The following CNKSR2 variants were observed in gnomAD, a reference collection of about 807,000 sequenced individuals.
The protein encoded by CNKSR2 is connector enhancer of kinase suppressor of Ras 2, also known as CNK homolog protein 2.
CNKSR2 carries 14 observed loss-of-function variants against 84.4 expected under a neutral mutation model. The observed-to-expected ratio is 0.17, with a 90% CI of 0.11 to 0.26. The LOEUF (loss-of-function observed/expected upper bound fraction) is 0.26, where lower values mean the gene tolerates loss of function less well. Among genes scored for constraint, CNKSR2 ranks in the 10% least tolerant of loss-of-function variants. The pLI, the probability that CNKSR2 is intolerant of heterozygous loss-of-function variation, is 1.00. For missense variants in CNKSR2, 485 were observed against 771.2 expected, an observed-to-expected ratio of 0.63 and a Z score of 4.40; for synonymous variants, 275 against 277.9, an observed-to-expected ratio of 0.99 and a Z score of 0.10.
chrX:21,643,851 A>G (rs1331464109), intron 20 of CNKSR2: 4 of 111,361 alleles, frequency 3.6e-5, no homozygotes, highest in Non-Finnish European at 7.6e-5. Flanking sequence ...AATGCTAGGC[A>G]TAGCTGATTG....
At chrX:21,516,654 C>T in intron 9 of CNKSR2, 23 bp downstream of exon 9, 1 of 1,170,671 alleles carries the variant, frequency 8.5e-7, no homozygotes, top group South Asian at 1.8e-5. Context: ...AATCATAAGT[C>T]ATACACCATC....
chrX:21,426,736 C>T (rs1287467523), intron 2 of CNKSR2, 76 bp downstream of exon 2: 4 of 1,052,182 alleles, frequency 3.8e-6, no homozygotes, highest in Non-Finnish European at 5.1e-6. Context: ...TTCTTCTCCT[C>T]TTTTGATAAT....
At chrX:21,462,206 C>CT (rs2147126180) in intron 4 of CNKSR2, among the ~76,000 whole-genome samples, 1 of 111,665 alleles carries the variant, frequency 9.0e-6, no homozygotes, top group African/African-American at 3.2e-5. Flanking sequence ...TCTTCCATTT[C>CT]TTTTATCAGT....
At chrX:21,561,424 A>G in intron 11 of CNKSR2, 47 bp from the exon 12 acceptor site, 1 of 990,690 alleles carries the variant, frequency 1.0e-6, no homozygotes, top group Middle Eastern at 2.6e-4. Flanking sequence ...TTGAGCAGAC[A>G]TGGGGAAGAA....
intron 1 of CNKSR2, among the ~76,000 whole-genome samples, chrX:21,394,814 A>G (rs757574628): frequency 8.9e-6 from 1 of 112,049 alleles, no homozygotes; most frequent in African/African-American, 3.2e-5. Flanking sequence ...TTAAACACTG[A>G]ATCTGTGCAA....
At chrX:21,632,039 C>G (rs1296923597) in intron 20 of CNKSR2, among the ~76,000 whole-genome samples, 1 of 112,138 alleles carries the variant, frequency 8.9e-6, no homozygotes, top group Admixed American at 9.5e-5. Context: ...TTTAAGAAAA[C>G]CAGATTCAGA....
At chrX:21,519,849 T>A (rs893742464) in intron 9 of CNKSR2, among the ~76,000 whole-genome samples, 1 of 111,190 alleles carries the variant, frequency 9.0e-6, no homozygotes, top group African/African-American at 3.3e-5. Context: ...TGTATCTTTT[T>A]AATAAACAAG....
chrX:21,419,906 T>C (rs1483937157), intron 1 of CNKSR2, among the ~76,000 whole-genome samples: 4 of 112,055 alleles, frequency 3.6e-5, no homozygotes, highest in Non-Finnish European at 7.5e-5. Context: ...GGCTACTGCT[T>C]ATGTTCTCTC....
intron 20 of CNKSR2, among the ~76,000 whole-genome samples, chrX:21,647,077 C>G (rs148414803): frequency 8.9e-6 from 1 of 111,871 alleles, no homozygotes. Flanking sequence ...CCTCAAAATC[C>G]TCTAGGTGTT....
chrX:21,487,059 A>G (rs191040727), intron 5 of CNKSR2, among the ~76,000 whole-genome samples: 2 of 111,776 alleles, frequency 1.8e-5, no homozygotes, highest in Admixed American at 1.9e-4. Flanking sequence ...CAAAGTTCTA[A>G]TGGGGTTTCT....
intron 5 of CNKSR2, among the ~76,000 whole-genome samples, chrX:21,478,912 A>AT (rs1180866503): frequency 1.8e-5 from 2 of 111,879 alleles, no homozygotes; most frequent in Non-Finnish European, 3.8e-5. Flanking sequence ...GACACTATAT[A>AT]TTTTTAAAAA....
At chrX:21,539,141 T>C (rs2091954974) in intron 11 of CNKSR2, among the ~76,000 whole-genome samples, 1 of 112,720 alleles carries the variant, frequency 8.9e-6, no homozygotes, top group African/African-American at 3.2e-5. Flanking sequence ...TTCAAATGTT[T>C]GGTCACTTTA....
chrX:21,527,524 C>G (rs1266703028), intron 10 of CNKSR2, among the ~76,000 whole-genome samples: 1 of 110,605 alleles, frequency 9.0e-6, no homozygotes, highest in Non-Finnish European at 1.9e-5. Flanking sequence ...ATGTTTCTTT[C>G]AGGAAGTAGA....
rs1403050692 is a variant in CNKSR2, at chrX:21,532,080, C to G, written c.1303+13C>G. ...ACCCCAACTTATGGTAAGAGTTCTT[C>G]TTTTATGTTTATATAAGACTATATT... On this transcript the variant is annotated intron_variant, in intron 11 of 21. Transcript: ENST00000379510. 1.8e-6 allele frequency: 2 copies of G among 1,126,465 alleles called. No individual in the cohort carries two copies. The highest frequency in any genetic ancestry group is 2.4e-6 in the Non-Finnish European group (2 of 826,724). 92.8% of individuals were successfully genotyped at this position (1,126,465 alleles called of 1,213,427 possible).
At chrX:21,557,686 C>T (rs1232183911) in intron 11 of CNKSR2, among the ~76,000 whole-genome samples, 2 of 111,252 alleles carry the variant, frequency 1.8e-5, no homozygotes, top group African/African-American at 3.3e-5. Context: ...AAGAAGTGGT[C>T]AGCAAAAATA....
intron 1 of CNKSR2, among the ~76,000 whole-genome samples, chrX:21,418,079 A>G (rs2090446106): frequency 9.0e-6 from 1 of 111,397 alleles, no homozygotes; most frequent in Non-Finnish European, 1.9e-5. Flanking sequence ...GAGCCTTGCA[A>G]ATACTATCTT....
intron 5 of CNKSR2, among the ~76,000 whole-genome samples, chrX:21,482,318 A>T (rs56948066): frequency 1.8e-5 from 2 of 111,524 alleles, no homozygotes; most frequent in African/African-American, 6.6e-5. Context: ...TGTGAAAAGA[A>T]CATTTGACTA....
chrX:21,432,864 T>G (rs747638117), intron 3 of CNKSR2, 50 bp downstream of exon 3: 2 of 1,134,015 alleles, frequency 1.8e-6, no homozygotes, highest in Non-Finnish European at 2.4e-6. Flanking sequence ...GACACCAGTT[T>G]GAATATAACA....
At chrX:21,522,075 A>G (rs2091790300) in intron 9 of CNKSR2, among the ~76,000 whole-genome samples, 1 of 111,306 alleles carries the variant, frequency 9.0e-6, no homozygotes, top group Non-Finnish European at 1.9e-5. Context: ...GCTGCTTAAA[A>G]TTCAGGATAC....
Sources: allele counts gnomAD v4.1 joint callset (sites outside exome capture counted in the v4.1 genomes callset), GRCh38; gene constraint gnomAD v4.1.1; transcripts MANE v1.5; gene names NCBI Gene and HGNC (gene_info 2026-07-23, HGNC 2026-07-21).